The following HHIP variants were observed in gnomAD, a reference collection of about 807,000 sequenced individuals.
HHIP encodes hedgehog interacting protein, also known as hedgehog-interacting protein.
Under a neutral mutation model 74.0 loss-of-function variants are expected in HHIP, and 12 were observed. That is an observed-to-expected ratio of 0.16 (90% CI 0.10 to 0.26). The LOEUF is 0.26. Among genes scored for constraint, HHIP ranks in the 10% least tolerant of loss-of-function variants. The pLI, the probability that HHIP is intolerant of heterozygous loss-of-function variation, is 1.00. For missense variants in HHIP, 788 were observed against 845.0 expected, an observed-to-expected ratio of 0.93 and a Z score of 0.84; for synonymous variants, 309 against 311.6, an observed-to-expected ratio of 0.99 and a Z score of 0.09.
At chr4:144,718,098 C>A (rs1242804590) in intron 10 of HHIP, among the ~76,000 whole-genome samples, 3 of 151,814 alleles carry the variant, frequency 2.0e-5, no homozygotes, top group South Asian at 2.1e-4. Flanking sequence ...GGAGGAAAAT[C>A]AAAATAAATT....
At position 144,737,662 on chromosome 4, in the gene HHIP, C is replaced by T; in HGVS notation, c.1910-102C>T. ...TTGTAACTATCTCCCTCCTTTTTTC[C>T]CTCGCTTCCCTTATTCAGCAAATAT... On this transcript the variant is annotated intron_variant, in intron 12 of 12. Transcript: ENST00000296575. The T allele has an allele frequency of 4.9e-6, 5 of 1,018,138 alleles. No homozygotes were observed. In the Admixed American group the frequency reaches 9.3e-5, roughly 19 times the overall value. 63.1% of individuals were successfully genotyped at this position (1,018,138 alleles called of 1,614,324 possible).
In HHIP at chr4:144,708,322, A is replaced by G. The variant is rs1730204246; in HGVS notation, c.1301+11A>G. ...CCACGATCCAGGCAGGTGAGAACACAAGTCTGTCTTCTCACTGGCTTTTAA... is the reference window on the plus strand; with the variant it reads ...CCACGATCCAGGCAGGTGAGAACACGAGTCTGTCTTCTCACTGGCTTTTAA... On this transcript the variant is annotated intron_variant, in intron 7 of 12. Coordinates refer to ENST00000296575, the MANE Select transcript of HHIP (RefSeq NM_022475.3). 3.7e-6 allele frequency: 6 copies of G among 1,613,910 alleles called. No homozygotes were observed. The highest frequency in any genetic ancestry group is 3.3e-4 in the Middle Eastern group (2 of 6,062).
intron 4 of HHIP, among the ~76,000 whole-genome samples, chr4:144,685,285 A>G (rs1174447451): frequency 2.0e-5 from 3 of 152,338 alleles, no homozygotes; most frequent in East Asian, 3.9e-4. Context: ...GACAATTCTG[A>G]GAGTTAAAGA....
In HHIP at chr4:144,737,911, T is replaced by C. The variant is rs1731162790; in HGVS notation, c.2057T>C (p.Ile686Thr). 1.2e-6 allele frequency: 2 copies of C among 1,613,022 alleles called. No individual in the cohort carries two copies. The highest frequency in any genetic ancestry group is 1.7e-6 in the Non-Finnish European group (2 of 1,179,454). Residue 686 changes from isoleucine to threonine, a missense_variant, in exon 13 of 13, where the codon ATT (isoleucine) becomes ACT (threonine). Physicochemically the swap from Ile to Thr is moderately conservative, Grantham distance 89. This residue lies in a region of HHIP where 343 missense variants were observed against 347.9 expected (regional missense o/e 0.99). Coordinates refer to ENST00000296575, the MANE Select transcript of HHIP (RefSeq NM_022475.3). ...AGGGCAGGTATTCTTGATCAGATCA[T>C]TGACATGACATCTTACTTGCTGGAT... ...VTRAGILDQI[I>T]DMTSYLLDLT...
chr4:144,652,033 T>C (rs544354783), intron 1 of HHIP, among the ~76,000 whole-genome samples: 123 of 152,222 alleles, frequency 8.1e-4, no homozygotes, highest in African/African-American at 2.9e-3. Context: ...ATATTATTTT[T>C]ATAAAACATG....
At chr4:144,664,906 TAAAC>T (rs1207444665) in intron 4 of HHIP, among the ~76,000 whole-genome samples, 3 of 152,172 alleles carry the variant, frequency 2.0e-5, no homozygotes, top group Admixed American at 6.5e-5. Context: ...GTGGTGGAAA[TAAAC>T]AATAAATAAA....
chr4:144,692,270 T>C (rs76370690), intron 4 of HHIP, among the ~76,000 whole-genome samples: 4,266 of 152,230 alleles, frequency 0.028, 72 homozygotes, highest in Middle Eastern at 0.041. Flanking sequence ...TAAGCGAAGA[T>C]TCAAACCCAA....
In HHIP at chr4:144,737,879, A is replaced by T. The variant is rs112585996; in HGVS notation, c.2025A>T (p.Arg675Ser). 1 of 1,613,782 alleles carries T rather than the reference A, an allele frequency of 6.2e-7. No individual in the cohort carries two copies. The highest frequency in any genetic ancestry group is 1.7e-5 in the Admixed American group (1 of 60,002). ...QCEQVDRNIR[R>S]VTRAGILDQI... Reference sequence around the variant, plus strand: ...AACAAGTGGACAGAAACATCCGCAGAGTGACCAGGGCAGGTATTCTTGATC... The same window carrying T: ...AACAAGTGGACAGAAACATCCGCAGTGTGACCAGGGCAGGTATTCTTGATC... The change falls in exon 13 of 13, where the codon AGA (arginine) becomes AGT (serine). Residue 675 changes from arginine to serine, a missense_variant. Transcript: ENST00000296575.
chr4:144,690,693 C>T (rs1729631766), intron 4 of HHIP, among the ~76,000 whole-genome samples: 1 of 152,022 alleles, frequency 6.6e-6, no homozygotes, highest in South Asian at 2.1e-4. Context: ...ATTATTTGGG[C>T]CTATTTTATA....
chr4:144,717,178 T>TA lies in HHIP; in HGVS notation c.1679-1696dup, dbSNP rs1730477879. On this transcript the variant is annotated intron_variant, in intron 10 of 12. Transcript: ENST00000296575. Reference sequence around the variant, plus strand: ...GATTACATTTTAATGTGAAACTCGCTAGCTTTAATTGAAGAACCATATAAG... The same window carrying TA: ...GATTACATTTTAATGTGAAACTCGCTAAGCTTTAATTGAAGAACCATATAAG... 3.3e-5 allele frequency among the ~76,000 whole-genome samples: 5 copies of TA among 152,328 alleles called. No individual in the cohort carries two copies. The South Asian group carries it at 1.0e-3, about 32-fold the overall frequency.
intron 4 of HHIP, among the ~76,000 whole-genome samples, chr4:144,662,987 A>G (rs1728754818): frequency 6.6e-6 from 1 of 152,182 alleles, no homozygotes; most frequent in South Asian, 2.1e-4. Flanking sequence ...AGGAGCTTTC[A>G]AAAATTCTTA....
rs548915927 is a variant in HHIP at position 144,737,649 on chromosome 4, C to T, written c.1910-115C>T. ...CTTTCAGATCATTTTGTAACTATCT[C>T]CCTCCTTTTTTCCCTCGCTTCCCTT... On this transcript the variant is annotated intron_variant, in intron 12 of 12. Coordinates refer to ENST00000296575, the MANE Select transcript of HHIP (RefSeq NM_022475.3). 7 of 835,112 alleles carry T rather than the reference C, an allele frequency of 8.4e-6. No individual in the cohort carries two copies. The African/African-American group carries it at 1.0e-4, about 12-fold the overall frequency. The allele number at this position is 835,112 out of a possible 1,614,324, so 51.7% of individuals were successfully genotyped here.
chr4:144,725,862 G>A (rs1445765882), intron 11 of HHIP, among the ~76,000 whole-genome samples: 3 of 152,054 alleles, frequency 2.0e-5, no homozygotes, highest in Non-Finnish European at 4.4e-5. Flanking sequence ...TAGAGACGGG[G>A]GTTTCACCAT....
chr4:144,728,208 G>T (rs143940038), intron 11 of HHIP, among the ~76,000 whole-genome samples: 101 of 152,284 alleles, frequency 6.6e-4, no homozygotes, highest in African/African-American at 2.3e-3. Flanking sequence ...GAAAGGTTTA[G>T]TGCCAACTCA....
rs1287198874 is a variant in HHIP, at chr4:144,718,897, C to A, written c.1701C>A (p.Ser567Arg). The A allele has an allele frequency of 6.2e-7, 1 of 1,608,572 alleles. No individual in the cohort carries two copies. The highest frequency in any genetic ancestry group is 1.7e-5 in the Admixed American group (1 of 59,924). ...CAGGTGAAGTTTACATTTTATCAAG[C>A]AGTAAAAGTATGACCCAGACTCACA... ...DELGEVYILS[S>R]SKSMTQTHNG... Residue 567 changes from serine (S) to arginine (R), a missense_variant, in exon 11 of 13, where the codon AGC (serine) becomes AGA (arginine). Physicochemically the swap from Ser to Arg is moderately radical, Grantham distance 110 (BLOSUM62 -1). Around this residue, in one of 3 missense-constraint regions of HHIP, gnomAD observed 343 missense variants for 347.9 expected, o/e 0.99. Coordinates refer to ENST00000296575, the MANE Select transcript of HHIP (RefSeq NM_022475.3).
chr4:144,687,023 A>G (rs1037017536), intron 4 of HHIP, among the ~76,000 whole-genome samples: 2 of 151,808 alleles, frequency 1.3e-5, no homozygotes, highest in African/African-American at 4.8e-5. Context: ...TAAATCATCA[A>G]GTCTTCAGGG....
intron 11 of HHIP, among the ~76,000 whole-genome samples, chr4:144,726,667 C>T (rs923876989): frequency 3.9e-5 from 6 of 152,076 alleles, no homozygotes; most frequent in Non-Finnish European, 5.9e-5. Flanking sequence ...ATCAGCACAA[C>T]ATGAAAGTAG....
At chr4:144,654,228 A>G (rs1401902069) in intron 2 of HHIP, among the ~76,000 whole-genome samples, 1 of 152,214 alleles carries the variant, frequency 6.6e-6, no homozygotes, top group Non-Finnish European at 1.5e-5. Flanking sequence ...CCACTGAAAG[A>G]GAGAGCACAG....
At chr4:144,715,691 A>AT (rs1440299132) in intron 10 of HHIP, 1 of 250,622 alleles carries the variant, frequency 4.0e-6, no homozygotes, top group Non-Finnish European at 7.7e-6. Context: ...CAGGAAAAGA[A>AT]TTTTTTAGTC....
Sources: gnomAD v4.1 joint callset for allele counts (sites outside exome capture counted in the v4.1 genomes callset) on GRCh38, gnomAD v4.1.1 for gene constraint, gnomAD v4.1.1 regional missense constraint, MANE v1.5 for transcripts, NCBI Gene and HGNC (gene_info 2026-07-23, HGNC 2026-07-21) for gene names.